Variants in ABCD2 observed in about 807,000 individuals in gnomAD.
ABCD2 encodes ATP-binding cassette sub-family D member 2.
In ABCD2, 36 loss-of-function variants were observed where a neutral mutation model predicts 70.9. The observed-to-expected ratio is 0.51, with a 90% CI of 0.39 to 0.67. The LOEUF is 0.67. Among genes scored for constraint, ABCD2 ranks in the 30% least tolerant of loss-of-function variants. The pLI is 0.00. For synonymous variants in ABCD2, 304 were observed against 306.9 expected (o/e 0.99, Z 0.10); for missense variants, 729 against 890.2 (o/e 0.82, Z 2.30).
At chr12:39,583,860 CT>C (rs1941630282) in intron 7 of ABCD2, among the ~76,000 whole-genome samples, 1 of 152,186 alleles carries the variant, frequency 6.6e-6, no homozygotes, top group Non-Finnish European at 1.5e-5. Flanking sequence ...TGATCTCATT[CT>C]TTTTTTCTAG....
chr12:39,535,568 A>G, the ABCD2 span, among the ~76,000 whole-genome samples: 2 of 152,344 alleles, frequency 1.3e-5, no homozygotes, highest in East Asian at 3.9e-4. Context: ...CATAGTTAAC[A>G]TATTCAATTA....
the ABCD2 span, among the ~76,000 whole-genome samples, chr12:39,537,306 C>T: frequency 6.6e-6 from 1 of 152,154 alleles, no homozygotes; most frequent in South Asian, 2.1e-4. Context: ...TATATCCAGG[C>T]TTCTAGTTGT....
At chr12:39,559,378 C>CAAAAA (rs199560381) in intron 9 of ABCD2, among the ~76,000 whole-genome samples, 1 of 60,402 alleles carries the variant, frequency 1.7e-5, no homozygotes, top group Non-Finnish European at 3.8e-5. Context: ...ACTCCAGCTC[C>CAAAAA]AAAAAAAAAA....
Position 39,607,158 on chromosome 12 carries a change from G to A in ABCD2, c.1236+441C>T, listed in dbSNP as rs534350401. Among the ~76,000 whole-genome samples the A allele has an allele frequency of 5.3e-5, 8 of 152,222 alleles. No individual in the cohort carries two copies. In the South Asian group the frequency reaches 1.7e-3, roughly 32 times the overall value. On this transcript the variant is annotated intron_variant, in intron 3 of 9. Coordinates refer to ENST00000308666, the MANE Select transcript of ABCD2 (RefSeq NM_005164.4). ...AACATTTATTGAGTGTTTAATATGTGCTGTTTTAAATTTTCTACATGTATC... is the reference window on the plus strand; with the variant it reads ...AACATTTATTGAGTGTTTAATATGTACTGTTTTAAATTTTCTACATGTATC...
chr12:39,607,746 T>G (rs1028991456), intron 2 of ABCD2, 32 bp from the exon 3 acceptor site: 3 of 541,650 alleles, frequency 5.5e-6, no homozygotes, highest in East Asian at 1.3e-4. Context: ...AAAACTTGAG[T>G]TTTTTTTTTT....
chr12:39,562,229 T>C (rs1028103568), intron 9 of ABCD2, among the ~76,000 whole-genome samples: 6 of 151,904 alleles, frequency 3.9e-5, no homozygotes, highest in African/African-American at 1.4e-4. Flanking sequence ...AATACCTGCA[T>C]CAAAATAGAT....
At chr12:39,538,545 G>C in the ABCD2 span, among the ~76,000 whole-genome samples, 1 of 152,078 alleles carries the variant, frequency 6.6e-6, no homozygotes, top group African/African-American at 2.4e-5. Flanking sequence ...CTTTGTTCAA[G>C]ACGCCAAGAA....
chr12:39,565,491 CT>C (rs1300389826), intron 9 of ABCD2, among the ~76,000 whole-genome samples: 23 of 152,262 alleles, frequency 1.5e-4, no homozygotes, highest in African/African-American at 5.1e-4. Context: ...TATCCTGAGA[CT>C]TTGCTGAAGT....
intron 2 of ABCD2, among the ~76,000 whole-genome samples, chr12:39,608,791 T>G (rs1297987643): frequency 1.3e-5 from 2 of 152,164 alleles, no homozygotes. Flanking sequence ...ATACTACTAA[T>G]AAACAAACAT....
At chr12:39,566,611 T>G (rs1015369596) in intron 9 of ABCD2, among the ~76,000 whole-genome samples, 1 of 152,200 alleles carries the variant, frequency 6.6e-6, no homozygotes, top group Non-Finnish European at 1.5e-5. Context: ...TTTGAAAGGT[T>G]TTTTGTGTCT....
chr12:39,607,265 C>T (rs1228175820), intron 3 of ABCD2, among the ~76,000 whole-genome samples: 2 of 152,126 alleles, frequency 1.3e-5, no homozygotes, highest in African/African-American at 2.4e-5. Context: ...GCTGTAGCGA[C>T]CTTGACCCAA....
intron 6 of ABCD2, among the ~76,000 whole-genome samples, chr12:39,598,001 C>A (rs1159600678): frequency 2.6e-5 from 4 of 152,052 alleles, no homozygotes; most frequent in African/African-American, 9.7e-5. Flanking sequence ...TTCAGCTTTC[C>A]AAGCTTATGA....
intron 9 of ABCD2, among the ~76,000 whole-genome samples, chr12:39,568,936 A>T (rs1941403306): frequency 6.6e-6 from 1 of 152,182 alleles, no homozygotes; most frequent in African/African-American, 2.4e-5. Flanking sequence ...AGGCTGCAGA[A>T]CAGCAAATAT....
chr12:39,577,160 AATAAG>A (rs911084421), intron 8 of ABCD2, among the ~76,000 whole-genome samples: 3 of 152,164 alleles, frequency 2.0e-5, no homozygotes, highest in African/African-American at 4.8e-5. Context: ...TAACAGTGTT[AATAAG>A]ATAACAGCTA....
At chr12:39,618,546 G>T (rs1267887250) in intron 1 of ABCD2, 131 bp downstream of exon 1, 1 of 764,300 alleles carries the variant, frequency 1.3e-6, no homozygotes, top group Non-Finnish European at 2.1e-6. Context: ...TTTTAATTCA[G>T]GTTTAGATGT....
chr12:39,535,089 G>C, the ABCD2 span, among the ~76,000 whole-genome samples: 1 of 152,008 alleles, frequency 6.6e-6, no homozygotes, highest in Admixed American at 6.6e-5. Context: ...TTCTCTAAAT[G>C]GATTTTCTTT....
intron 7 of ABCD2, among the ~76,000 whole-genome samples, chr12:39,585,916 A>C (rs1037609023): frequency 1.3e-5 from 2 of 152,206 alleles, no homozygotes; most frequent in African/African-American, 4.8e-5. Flanking sequence ...AACTGTTTTT[A>C]AATGTTAGCT....
At chr12:39,593,575 C>G (rs1207455648) in intron 6 of ABCD2, among the ~76,000 whole-genome samples, 3 of 152,078 alleles carry the variant, frequency 2.0e-5, no homozygotes, top group Non-Finnish European at 4.4e-5. Context: ...TTTAAAATAT[C>G]CATAAAGCTT....
intron 7 of ABCD2, among the ~76,000 whole-genome samples, chr12:39,582,944 T>C (rs1941616598): frequency 6.6e-6 from 1 of 151,890 alleles, no homozygotes; most frequent in Admixed American, 6.6e-5. Flanking sequence ...ACTCCAACCT[T>C]GACTTTGCGG....
Sources: allele counts gnomAD v4.1 joint callset (sites outside exome capture counted in the v4.1 genomes callset), GRCh38; gene constraint gnomAD v4.1.1; transcripts MANE v1.5; gene names NCBI Gene and HGNC (gene_info 2026-07-23, HGNC 2026-07-21).